SAMD4B: variants seen among roughly 807,000 people sequenced by gnomAD.
SAMD4B encodes protein Smaug homolog 2.
In SAMD4B, 5 loss-of-function variants were observed where a neutral mutation model predicts 74.5. That is an observed-to-expected ratio of 0.07 (90% CI 0.04 to 0.14). The LOEUF is 0.14. Ranked by LOEUF, SAMD4B falls within the 10% of genes least tolerant of loss-of-function variation. The pLI, the probability that SAMD4B is intolerant of heterozygous loss-of-function variation, is 1.00. For missense variants in SAMD4B, 608 were observed against 921.8 expected, an observed-to-expected ratio of 0.66 and a Z score of 4.41; for synonymous variants, 373 against 374.9, an observed-to-expected ratio of 1.00 and a Z score of 0.06.
chr19:39,357,720 G>T (rs904064336), intron 3 of SAMD4B, among the ~76,000 whole-genome samples: 2 of 152,148 alleles, frequency 1.3e-5, no homozygotes, highest in African/African-American at 4.8e-5. Flanking sequence ...TACTGCTGAA[G>T]CTACTCTAGC....
intron 1 of SAMD4B, among the ~76,000 whole-genome samples, chr19:39,342,955 T>G (rs1279163752): frequency 2.8e-5 from 4 of 142,380 alleles, no homozygotes; most frequent in Non-Finnish European, 6.1e-5. Flanking sequence ...ACCCCTCCCG[T>G]GGAGTCGCCT....
At chr19:39,353,828 C>T (rs2076192275) in intron 1 of SAMD4B, among the ~76,000 whole-genome samples, 178 bp from the exon 2 acceptor site, 2 of 152,188 alleles carry the variant, frequency 1.3e-5, no homozygotes, top group Admixed American at 6.6e-5. Context: ...TCTCAAACTC[C>T]TGACCTCAAG....
downstream of SAMD4B, chr19:39,388,690 A>C (rs1483447421): frequency 3.7e-6 from 6 of 1,612,706 alleles, 1 homozygote; most frequent in Admixed American, 6.7e-5. Flanking sequence ...GTTGGGGGAA[A>C]AGGAGTAGCA....
chr19:39,356,768 A>G lies in SAMD4B; in HGVS notation c.-126A>G. The G allele has an allele frequency of 2.7e-6, 2 of 751,232 alleles. No individual in the cohort carries two copies. The highest frequency in any genetic ancestry group is 4.2e-6 in the Non-Finnish European group (2 of 477,838). The allele number at this position is 751,232 out of a possible 1,614,324, so 46.5% of individuals were successfully genotyped here. A position where few individuals can be genotyped will look rare whatever the true frequency, so the allele number is the denominator to read the frequency against. ...TCCTCCCCCAACAACCGTTGCCACC[A>G]CGCCCAGAAACGTCCTTAAGCCCTG... On this transcript the variant is annotated 5_prime_UTR_variant, in exon 3 of 14. Transcript: ENST00000610417.
At position 39,362,908 on chromosome 19, in the gene SAMD4B, T is replaced by C. The variant is rs190911056; in HGVS notation, c.196+5819T>C. On this transcript the variant is annotated intron_variant, in intron 3 of 13. Coordinates refer to ENST00000610417, the MANE Select transcript of SAMD4B (RefSeq NM_001384574.2). ...GCAATGGCAAGTGAGTCATCAGAGC[T>C]CAGCCCTGTCCTCCACCCTCCACTT... 1.9e-3 allele frequency among the ~76,000 whole-genome samples: 290 copies of C among 152,124 alleles called. 2 individuals carry two copies. Among genetic ancestry groups the C allele is most frequent in the Non-Finnish European group, 3.5e-3 (235 of 67,974 alleles).
At chr19:39,389,757 C>G (rs777585469), downstream of SAMD4B, 3 of 1,614,074 alleles carry the variant, frequency 1.9e-6, no homozygotes, top group Non-Finnish European at 2.5e-6. The surrounding 1 kb of genome is among the most constrained non-coding windows in gnomAD (Gnocchi z 5.3). Context: ...TTGTACTGGA[C>G]GAACCTGGGT....
intron 10 of SAMD4B, 150 bp downstream of exon 10, chr19:39,380,234 A>AT: frequency 1.5e-6 from 1 of 654,616 alleles, no homozygotes; most frequent in South Asian, 1.9e-5. Context: ...TTCCACTAGA[A>AT]TAGGATGCTG....
chr19:39,352,899 C>T (rs1348462794), intron 1 of SAMD4B, among the ~76,000 whole-genome samples: 1 of 152,142 alleles, frequency 6.6e-6, no homozygotes, highest in Non-Finnish European at 1.5e-5. Context: ...ATCAAACCTC[C>T]TGTCACAAAT....
rs777169730 is a variant in SAMD4B, at chr19:39,380,049, C to T, written c.1614C>T (p.Ala538=). ...TCCTCCGGACATTCCCGCGCAAAGC[C>T]GCACTAGAGATGCAGAACTACCGGC... is the stretch of plus-strand genomic sequence containing the variant. ...LKLLRTFPRK[A]ALEMQNYRQQ... is the part of the protein sequence containing the mutation. Residue 538 remains alanine (A), a synonymous_variant, in exon 10 of 14, where the codon GCC becomes GCT. Coordinates refer to ENST00000610417, the MANE Select transcript of SAMD4B (RefSeq NM_001384574.2). The T allele has an allele frequency of 1.3e-5, 21 of 1,613,680 alleles. No homozygotes were observed. Among genetic ancestry groups the T allele is most frequent in the South Asian group, 5.5e-5 (5 of 90,976 alleles).
intron 10 of SAMD4B, among the ~76,000 whole-genome samples, 198 bp downstream of exon 10, chr19:39,380,282 C>T (rs1465401034): frequency 6.6e-6 from 1 of 152,250 alleles, no homozygotes; most frequent in Non-Finnish European, 1.5e-5. Context: ...GCAGGCCCCT[C>T]ATATGTACCT....
At position 39,383,374 on chromosome 19, in the gene SAMD4B, A is replaced by G. The variant is rs571043907; in HGVS notation, c.2056+83A>G. 9.0e-6 allele frequency: 14 copies of G among 1,562,410 alleles called. No homozygotes were observed. The African/African-American group carries it at 1.8e-4, about 20-fold the overall frequency. On this transcript the variant is annotated intron_variant, in intron 13 of 13. Coordinates refer to ENST00000610417, the MANE Select transcript of SAMD4B (RefSeq NM_001384574.2). This position sits in a 1 kb window ranked among gnomAD's most constrained non-coding sequence, Gnocchi z 4.1. ...AACTGAGCAACTCAGAGTCATCCTG[A>G]GGGGTCCCCAGGGGAGGCCAGACTC...
intron 4 of SAMD4B, among the ~76,000 whole-genome samples, chr19:39,372,101 A>G (rs577294931): frequency 2.0e-5 from 3 of 152,230 alleles, no homozygotes; most frequent in African/African-American, 7.2e-5. Flanking sequence ...TAAAGGATGA[A>G]GATTGAACAA....
chr19:39,387,066 G>A (rs1356277701), downstream of SAMD4B: 3 of 548,310 alleles, frequency 5.5e-6, no homozygotes, highest in African/African-American at 3.8e-5. Flanking sequence ...TACGGGCATG[G>A]GCCATTTAAC....
chr19:39,389,886 A>C, downstream of SAMD4B: 1 of 1,358,832 alleles, frequency 7.4e-7, no homozygotes, highest in Non-Finnish European at 1.0e-6. The surrounding 1 kb of genome is among the most constrained non-coding windows in gnomAD (Gnocchi z 5.3). Context: ...GCAGAGTCTG[A>C]AAGCTGGCTC....
chr19:39,346,069 A>G (rs1158199535), intron 1 of SAMD4B, among the ~76,000 whole-genome samples: 2 of 151,856 alleles, frequency 1.3e-5, no homozygotes, highest in African/African-American at 4.8e-5. Context: ...AGCTCTTGGC[A>G]TTTTTTCAAG....
At position 39,385,375 on chromosome 19, in the gene SAMD4B, T is replaced by A. The variant is rs150048282; in HGVS notation, c.*1848T>A. 2.1e-4 allele frequency: 85 copies of A among 404,618 alleles called. 2 individuals are homozygous for A. Among genetic ancestry groups the A allele is most frequent in the African/African-American group, 1.5e-3 (72 of 48,694 alleles). The allele number at this position is 404,618 out of a possible 1,614,324, so 25.1% of individuals were successfully genotyped here. ...AGGGTGAGCTGACTGTGCCTGGCAC[T>A]GGGAGGTGGTGAGGGACACCGTCTC... On this transcript the variant is annotated 3_prime_UTR_variant, in exon 14 of 14. Transcript: ENST00000610417.
intron 3 of SAMD4B, 26 bp downstream of exon 3, chr19:39,357,115 A>AGC (rs763050681): frequency 9.5e-6 from 15 of 1,575,602 alleles, no homozygotes; most frequent in South Asian, 4.6e-5. Flanking sequence ...TAGAGATGGG[A>AGC]GCACAGCAGG....
At position 39,356,984 on chromosome 19, in the gene SAMD4B, A is replaced by C; in HGVS notation, c.91A>C (p.Lys31Gln). 1 of 1,614,056 alleles carries C rather than the reference A, an allele frequency of 6.2e-7. No individual in the cohort carries two copies. Among genetic ancestry groups the C allele is most frequent in the Non-Finnish European group, 8.5e-7 (1 of 1,179,992 alleles). ...GACAGTGGCCCTCCTGTCACTTCTG[A>C]AACGGGTCACCCGTACCCAGGCCCG... The part of the protein sequence containing the change: ...EQTVALLSLL[K>Q]RVTRTQARFL... Residue 31 changes from lysine (K) to glutamine (Q), a missense_variant, in exon 3 of 14, where the codon AAA becomes CAA. This residue lies in a region of SAMD4B where 74 missense variants were observed against 182.0 expected (regional missense o/e 0.41). Transcript: ENST00000610417.
intron 3 of SAMD4B, among the ~76,000 whole-genome samples, chr19:39,364,402 G>A (rs2076831474): frequency 6.6e-6 from 1 of 152,158 alleles, no homozygotes; most frequent in African/African-American, 2.4e-5. Context: ...GCCACAGACT[G>A]AATGTTTACT....
Sources: gnomAD v4.1 joint callset for allele counts (sites outside exome capture counted in the v4.1 genomes callset) on GRCh38, gnomAD v4.1.1 for gene constraint, gnomAD v4.1.1 regional missense constraint, Gnocchi (gnomAD v3.1) non-coding constraint, MANE v1.5 for transcripts, NCBI Gene and HGNC (gene_info 2026-07-23, HGNC 2026-07-21) for gene names.